HNRNPR: variants seen among roughly 807,000 people sequenced by gnomAD.
The protein encoded by HNRNPR is heterogeneous nuclear ribonucleoprotein R.
A neutral mutation model predicts 70.3 loss-of-function variants in HNRNPR; 4 were observed. The observed-to-expected ratio is 0.06, with a 90% CI of 0.03 to 0.13. HNRNPR has a LOEUF of 0.13. Among genes scored for constraint, HNRNPR ranks in the 10% least tolerant of loss-of-function variants. The probability of loss-of-function intolerance (pLI) is 1.00; values close to 1 mark genes in which losing one functional copy is unlikely to be tolerated. For missense variants in HNRNPR, 423 were observed against 788.5 expected (o/e 0.54, Z 5.55); for synonymous variants, 241 against 267.6 (o/e 0.90, Z 0.97).
Position 23,313,709 on chromosome 1 carries a change from A to C in HNRNPR, c.1018-7T>G, listed in dbSNP as rs1162869356. On this transcript the variant is annotated splice_region_variant and splice_polypyrimidine_tract_variant and intron_variant, in intron 8 of 10. Transcript: ENST00000302271. ...TCACAAACAAAACTTTTACCTAGTA[A>C]GCAACAAATAAACAAAACCGTCATT... The C allele has an allele frequency of 6.3e-7, 1 of 1,598,898 alleles. No homozygotes were observed.
At chr1:23,311,413 TAC>T in intron 9 of HNRNPR, 91 bp from the exon 10 acceptor site, 1 of 806,920 alleles carries the variant, frequency 1.2e-6, no homozygotes, top group Non-Finnish European at 1.9e-6. Context: ...TGTAATTTAA[TAC>T]ACTTAACAAT....
chr1:23,310,983 T>C lies in HNRNPR; in HGVS notation c.1373A>G (p.Tyr458Cys). Residue 458 changes from tyrosine to cysteine, a missense_variant, in exon 11 of 11, where the codon TAT (tyrosine) becomes TGT (cysteine). By Grantham distance (194) the Tyr-to-Cys change is radical. Coordinates refer to ENST00000302271, the MANE Select transcript of HNRNPR (RefSeq NM_005826.5). The surrounding 1 kb of genome is among the most constrained non-coding windows in gnomAD (Gnocchi z 6.0). ...GCCGTAGTAATCTGGAGGGTAGCCA[T>C]ATCCACCTCTCCCCCCACCACGACC... ...GRGRGGGRGGYGYPPDYYGYE... is the reference protein window; with the variant it reads ...GRGRGGGRGGCGYPPDYYGYE... 2 of 1,614,106 alleles carry C rather than the reference T, an allele frequency of 1.2e-6. No individual in the cohort carries two copies. The highest frequency in any genetic ancestry group is 1.7e-6 in the Non-Finnish European group (2 of 1,179,996).
intron 8 of HNRNPR, among the ~76,000 whole-genome samples, chr1:23,316,583 T>C (rs1447555694): frequency 6.6e-6 from 1 of 152,158 alleles, no homozygotes; most frequent in Non-Finnish European, 1.5e-5. Context: ...TATTCCTCTA[T>C]TATAATACAT....
chr1:23,340,977 T>C lies in HNRNPR; in HGVS notation c.32A>G (p.Gln11Arg). 6.2e-7 allele frequency: 1 copy of C among 1,613,348 alleles called. No homozygotes were observed. Among genetic ancestry groups the C allele is most frequent in the African/African-American group, 1.3e-5 (1 of 75,018 alleles). Reference protein sequence around the residue: MANQVNGNAVQLKEEEEPMDT... With the variant: MANQVNGNAVRLKEEEEPMDT... ...CATTGGTTCTTCCTCTTCTTTTAAC[T>C]GTACCGCATTACCATTCACCTGATT... is the stretch of plus-strand genomic sequence containing the variant. The change falls in exon 2 of 11, where the codon CAG (glutamine) becomes CGG (arginine). Residue 11 changes from glutamine to arginine, a missense_variant. By Grantham distance (43) the Gln-to-Arg change is conservative. Around this residue, in one of 7 missense-constraint regions of HNRNPR, gnomAD observed 44 missense variants for 89.0 expected, o/e 0.49. Coordinates refer to ENST00000302271, the MANE Select transcript of HNRNPR (RefSeq NM_005826.5).
chr1:23,339,537 C>A (rs1646631635), intron 2 of HNRNPR, among the ~76,000 whole-genome samples: 1 of 152,084 alleles, frequency 6.6e-6, no homozygotes, highest in Non-Finnish European at 1.5e-5. Flanking sequence ...CAGAATTGAT[C>A]CAACGTAAAA....
chr1:23,341,983 G>A (rs1278607502), intron 1 of HNRNPR, among the ~76,000 whole-genome samples: 1 of 152,088 alleles, frequency 6.6e-6, no homozygotes, highest in Non-Finnish European at 1.5e-5. Flanking sequence ...CAAAAGACAG[G>A]GAATTAAAGT....
At position 23,308,729 on chromosome 1, in the gene HNRNPR, A is replaced by C. The variant is rs1645243322; in HGVS notation, c.*1725T>G. The C allele has an allele frequency of 6.6e-6, 1 of 152,080 alleles. No homozygotes were observed. The highest frequency in any genetic ancestry group is 2.4e-5 in the African/African-American group (1 of 41,446). The allele number at this position is 152,080 out of a possible 1,614,324, so 9.4% of individuals were successfully genotyped here. On this transcript the variant is annotated 3_prime_UTR_variant, in exon 11 of 11. Coordinates refer to ENST00000302271, the MANE Select transcript of HNRNPR (RefSeq NM_005826.5). Reference sequence around the variant, plus strand: ...TGAAATATATTGACTTTCATCAGTAAATAGTAATCTTAAATTGAAATGAAA... The same window carrying C: ...TGAAATATATTGACTTTCATCAGTACATAGTAATCTTAAATTGAAATGAAA...
intron 4 of HNRNPR, among the ~76,000 whole-genome samples, chr1:23,335,477 G>C (rs191219750): frequency 6.6e-5 from 10 of 152,364 alleles, no homozygotes; most frequent in African/African-American, 1.4e-4. Flanking sequence ...AGCTTCATCT[G>C]TATTTACAGC....
At chr1:23,343,726 G>C (rs1304679217) in intron 1 of HNRNPR, among the ~76,000 whole-genome samples, 1 of 152,180 alleles carries the variant, frequency 6.6e-6, no homozygotes, top group Non-Finnish European at 1.5e-5. Flanking sequence ...TTTTCTCCCG[G>C]CTCAGATAAC....
rs1224355448 is a variant in HNRNPR, at chr1:23,318,734, A to G, written c.812-46T>C. ...TATATAAGCCAAAAGCATCCACCAC[A>G]CATCTAGCGATTAGGCAGACCTAAA... On this transcript the variant is annotated intron_variant, in intron 7 of 10. Transcript: ENST00000302271. This position sits in a 1 kb window ranked among gnomAD's most constrained non-coding sequence, Gnocchi z 4.2. 1.9e-6 allele frequency: 3 copies of G among 1,584,340 alleles called. No individual in the cohort carries two copies. In the South Asian group the frequency reaches 3.3e-5, roughly 18 times the overall value.
At chr1:23,315,298 A>AC (rs1402904485) in intron 8 of HNRNPR, among the ~76,000 whole-genome samples, 16 of 150,106 alleles carry the variant, frequency 1.1e-4, no homozygotes, top group African/African-American at 3.2e-4. Context: ...AAAAAAAAAA[A>AC]AAAAAAACAA....
At chr1:23,334,234 C>CTTTTTTT (rs35129252) in intron 4 of HNRNPR, among the ~76,000 whole-genome samples, 1 of 105,202 alleles carries the variant, frequency 9.5e-6, no homozygotes, top group Non-Finnish European at 1.8e-5. Context: ...TTCTAGTGTA[C>CTTTTTTT]TTTTTTTTTT....
intron 8 of HNRNPR, among the ~76,000 whole-genome samples, chr1:23,315,006 G>A (rs1385065595): frequency 3.3e-5 from 5 of 152,112 alleles, no homozygotes; most frequent in East Asian, 1.9e-4. Flanking sequence ...AGGGCTGGGC[G>A]CGGTGGCTCA....
chr1:23,340,569 G>T (rs1646672603), intron 2 of HNRNPR, among the ~76,000 whole-genome samples: 1 of 152,060 alleles, frequency 6.6e-6, no homozygotes, highest in South Asian at 2.1e-4. Context: ...TGTAAAATTT[G>T]GTATGCAGAA....
At chr1:23,342,921 T>A (rs556008895) in intron 1 of HNRNPR, among the ~76,000 whole-genome samples, 1 of 152,348 alleles carries the variant, frequency 6.6e-6, no homozygotes, top group South Asian at 2.1e-4. Context: ...GATACTGAAA[T>A]TGGTTAAAAT....
chr1:23,315,409 T>C (rs186915550), intron 8 of HNRNPR, among the ~76,000 whole-genome samples: 106 of 152,290 alleles, frequency 7.0e-4, no homozygotes, highest in African/African-American at 2.4e-3. Flanking sequence ...TGGCAGTGTT[T>C]TTTAACTATT....
chr1:23,339,979 G>C (rs958120923), intron 2 of HNRNPR, among the ~76,000 whole-genome samples: 1 of 151,102 alleles, frequency 6.6e-6, no homozygotes, highest in African/African-American at 2.4e-5. Context: ...ATTTTTATAA[G>C]TCATTTTAAT....
At chr1:23,343,317 T>G (rs1418823012) in intron 1 of HNRNPR, among the ~76,000 whole-genome samples, 1 of 152,186 alleles carries the variant, frequency 6.6e-6, no homozygotes. Flanking sequence ...GAGACGGGCT[T>G]TAAAAGAACC....
intron 5 of HNRNPR, among the ~76,000 whole-genome samples, chr1:23,327,231 T>C (rs1646024108): frequency 6.6e-6 from 1 of 152,164 alleles, no homozygotes; most frequent in Middle Eastern, 3.2e-3. Flanking sequence ...GCTCCCACCC[T>C]ACTCAGAACT....
Sources: gnomAD v4.1 joint callset for allele counts (sites outside exome capture counted in the v4.1 genomes callset) on GRCh38, gnomAD v4.1.1 for gene constraint, gnomAD v4.1.1 regional missense constraint, Gnocchi (gnomAD v3.1) non-coding constraint, MANE v1.5 for transcripts, NCBI Gene and HGNC (gene_info 2026-07-23, HGNC 2026-07-21) for gene names.